MCPH1: variants seen among roughly 807,000 people sequenced by gnomAD.
The protein encoded by MCPH1 is microcephalin 1.
Under a neutral mutation model 84.5 loss-of-function variants are expected in MCPH1, and 104 were observed. That is an observed-to-expected ratio of 1.23 (90% CI 1.05 to 1.45). The LOEUF is 1.45. MCPH1 is among the 40% of genes most tolerant of loss of function. The probability of loss-of-function intolerance (pLI) is 0.00; values close to 1 mark genes in which losing one functional copy is unlikely to be tolerated. For missense variants in MCPH1, 1,498 were observed against 1,005.7 expected, an observed-to-expected ratio of 1.49 and a Z score of -6.62; for synonymous variants, 514 against 366.8, an observed-to-expected ratio of 1.40 and a Z score of -4.58.
Position 6,499,841 on chromosome 8 carries a change from G to A in MCPH1, c.2137-11G>A. The A allele has an allele frequency of 1.2e-6, 2 of 1,612,108 alleles. No homozygotes were observed. Among genetic ancestry groups the A allele is most frequent in the South Asian group, 1.1e-5 (1 of 91,002 alleles). ...AATGTATAATAAATCTGCTTGTTGT[G>A]TCACTTGCAGGTGCTATGGTCTTTA... On this transcript the variant is annotated splice_polypyrimidine_tract_variant and intron_variant, in intron 11 of 13. Coordinates refer to ENST00000344683, the MANE Select transcript of MCPH1 (RefSeq NM_024596.5).
intron 3 of MCPH1, among the ~76,000 whole-genome samples, chr8:6,421,186 G>C (rs185639219): frequency 1.2e-4 from 19 of 152,284 alleles, no homozygotes; most frequent in African/African-American, 3.4e-4. Flanking sequence ...TGCATGCCCG[G>C]GAAATGGCCT....
intron 12 of MCPH1, among the ~76,000 whole-genome samples, chr8:6,590,162 G>A (rs140175167): frequency 5.3e-5 from 8 of 150,348 alleles, no homozygotes; most frequent in South Asian, 2.1e-4. Flanking sequence ...TTTGCAGAGC[G>A]TTTTCAAGAG....
At chr8:6,477,464 T>C in intron 9 of MCPH1, 130 bp from the exon 10 acceptor site, 1 of 780,506 alleles carries the variant, frequency 1.3e-6, no homozygotes, top group South Asian at 1.6e-5. Flanking sequence ...TTTTTTTCTT[T>C]GACATATGCT....
intron 8 of MCPH1, among the ~76,000 whole-genome samples, chr8:6,449,801 G>T (rs1373306): frequency 0.73 from 111,457 of 152,108 alleles, 43,272 homozygotes; most frequent in East Asian, 0.97. Context: ...CGTTGCTTAT[G>T]TGTGGAAATG....
intron 12 of MCPH1, among the ~76,000 whole-genome samples, chr8:6,586,597 G>A (rs561866756): frequency 3.9e-5 from 6 of 152,308 alleles, no homozygotes; most frequent in African/African-American, 1.4e-4. Flanking sequence ...TGTCTGGGGG[G>A]AATTCTGCAA....
In MCPH1 at chr8:6,444,470, A is replaced by G; in HGVS notation, c.748A>G (p.Lys250Glu). Reference sequence around the variant, plus strand: ...CTCAGGATGTGGAAATCAGGAAAGGAAGTTGGAAGGATCCATTAATGACAT... The same window carrying G: ...CTCAGGATGTGGAAATCAGGAAAGGGAGTTGGAAGGATCCATTAATGACAT... ...GNSGCGNQER[K>E]LEGSINDIKS... Residue 250 changes from lysine (K) to glutamate (E), a missense_variant, in exon 8 of 14, where the codon AAG (lysine) becomes GAG (glutamate). Coordinates refer to ENST00000344683, the MANE Select transcript of MCPH1 (RefSeq NM_024596.5). The G allele has an allele frequency of 6.2e-7, 1 of 1,614,196 alleles. No individual in the cohort carries two copies. Among genetic ancestry groups the G allele is most frequent in the Non-Finnish European group, 8.5e-7 (1 of 1,180,026 alleles).
chr8:6,447,424 T>A lies in MCPH1; in HGVS notation c.1825+1877T>A, dbSNP rs998272302. On this transcript the variant is annotated intron_variant, in intron 8 of 13. Coordinates refer to ENST00000344683, the MANE Select transcript of MCPH1 (RefSeq NM_024596.5). ...GCCATTTCTGTTTTCAGTTCACTTT[T>A]ACTTGTTGCTGTTGTCAGTATCTAA... 4.1e-6 allele frequency: 4 copies of A among 985,260 alleles called. No individual in the cohort carries two copies. The African/African-American group carries it at 7.0e-5, about 17-fold the overall frequency. 61.0% of individuals were successfully genotyped at this position (985,260 alleles called of 1,614,324 possible).
chr8:6,642,730 G>C (rs576154134), intron 13 of MCPH1: 5 of 524,668 alleles, frequency 9.5e-6, no homozygotes, highest in Non-Finnish European at 1.7e-5. Flanking sequence ...CAACGGGAAC[G>C]TGCCCTGCAT....
chr8:6,622,816 C>A (rs11780088), intron 13 of MCPH1, among the ~76,000 whole-genome samples: 12,358 of 152,046 alleles, frequency 0.081, 873 homozygotes, highest in East Asian at 0.35. Context: ...TGGATTAGGG[C>A]TCACCCAATG....
In MCPH1 at chr8:6,480,858, G is replaced by A. The variant is rs1427099165; in HGVS notation, c.2118G>A (p.Trp706Ter). The A allele has an allele frequency of 1.9e-6, 3 of 1,614,006 alleles. No homozygotes were observed. The African/African-American group carries it at 4.0e-5, about 22-fold the overall frequency. The change falls in exon 11 of 14, where the codon TGG becomes TGA. Residue 706 changes from tryptophan to a stop codon, truncating the protein, a stop_gained. Coordinates refer to ENST00000344683, the MANE Select transcript of MCPH1 (RefSeq NM_024596.5). LOFTEE classifies it high-confidence loss of function. ...TGCTGGGAATTGCGCGTGGCTGCTG[G>A]GTTCTCTCTTATGATTGGGTAAGCC... is the stretch of plus-strand genomic sequence containing the variant. ...NVLLGIARGC[W>*]VLSYDWVLWS...
chr8:6,559,060 A>G (rs1332572826), intron 12 of MCPH1, among the ~76,000 whole-genome samples: 2 of 152,278 alleles, frequency 1.3e-5, no homozygotes, highest in East Asian at 3.9e-4. Context: ...ACCACTCAGG[A>G]TGTAGCCAGC....
chr8:6,427,430 G>C (rs1047753931), intron 3 of MCPH1, among the ~76,000 whole-genome samples: 2 of 152,170 alleles, frequency 1.3e-5, no homozygotes, highest in African/African-American at 4.8e-5. Context: ...GGAGTGAAGT[G>C]GCACATTTAT....
chr8:6,510,222 A>G (rs1814757584), intron 12 of MCPH1, among the ~76,000 whole-genome samples: 1 of 151,360 alleles, frequency 6.6e-6, no homozygotes, highest in South Asian at 2.1e-4. Context: ...GCTTCTTGGC[A>G]GATGGTTCAG....
At chr8:6,483,612 G>A (rs940458771) in intron 11 of MCPH1, among the ~76,000 whole-genome samples, 11 of 152,112 alleles carry the variant, frequency 7.2e-5, no homozygotes, top group Non-Finnish European at 2.9e-5. Context: ...ATCAAGAAAA[G>A]GAACCTTCCC....
chr8:6,409,516 G>A, intron 2 of MCPH1, 146 bp downstream of exon 2: 1 of 691,216 alleles, frequency 1.4e-6, no homozygotes. Flanking sequence ...GCCAAAGTGT[G>A]AAGAATTTAG....
chr8:6,414,893 TTCTC>T lies in MCPH1; in HGVS notation c.233+14_233+17del, dbSNP rs1422705195. On this transcript the variant is annotated intron_variant, in intron 3 of 13. Coordinates refer to ENST00000344683, the MANE Select transcript of MCPH1 (RefSeq NM_024596.5). The stretch of plus-strand genomic sequence containing the variant: ...TGCTCTGGGTGGAAAAGTAAGCAGT[TTCTC>T]TCTTACTTTTTTTCCTTAAGTATCT... The T allele has an allele frequency of 1.9e-6, 3 of 1,612,656 alleles. No individual in the cohort carries two copies. Among genetic ancestry groups the T allele is most frequent in the African/African-American group, 1.3e-5 (1 of 74,772 alleles).
At chr8:6,486,700 T>G (rs1254778049) in intron 11 of MCPH1, among the ~76,000 whole-genome samples, 3 of 152,204 alleles carry the variant, frequency 2.0e-5, no homozygotes, top group African/African-American at 7.2e-5. Flanking sequence ...CATGACTGAA[T>G]TGTCTGGCAG....
At chr8:6,521,446 A>G in intron 12 of MCPH1, 5 of 1,385,864 alleles carry the variant, frequency 3.6e-6, no homozygotes, top group Non-Finnish European at 5.0e-6. Flanking sequence ...AGTGAAGGCT[A>G]TTCTAATGAA....
intron 12 of MCPH1, chr8:6,503,051 T>A: frequency 6.2e-7 from 1 of 1,607,698 alleles, no homozygotes; most frequent in Non-Finnish European, 8.5e-7. Context: ...TGCACTGGGC[T>A]TAAGTCTTTG....
Sources: allele counts gnomAD v4.1 joint callset (sites outside exome capture counted in the v4.1 genomes callset), GRCh38; gene constraint gnomAD v4.1.1; transcripts MANE v1.5; gene names NCBI Gene and HGNC (gene_info 2026-07-23, HGNC 2026-07-21).